GNB4: variants seen among roughly 807,000 people sequenced by gnomAD.
GNB4 encodes guanine nucleotide-binding protein subunit beta-4.
GNB4 carries 28 observed loss-of-function variants against 45.2 expected under a neutral mutation model. The observed-to-expected ratio is 0.62, with a 90% CI of 0.46 to 0.85. GNB4 has a LOEUF of 0.85. GNB4 is among the 40% of genes least tolerant of loss of function. GNB4 has a pLI of 0.00. For synonymous variants in GNB4, 132 were observed against 143.7 expected (o/e 0.92, Z 0.58); for missense variants, 321 against 425.4 (o/e 0.75, Z 2.16).
intron 1 of GNB4, among the ~76,000 whole-genome samples, chr3:179,439,024 G>C (rs1715530886): frequency 6.6e-6 from 1 of 152,138 alleles, no homozygotes; most frequent in African/African-American, 2.4e-5. Context: ...AGAGTGTGGG[G>C]ACCAGCAGCA....
intron 1 of GNB4, among the ~76,000 whole-genome samples, chr3:179,449,634 T>C (rs967355506): frequency 6.6e-6 from 1 of 152,166 alleles, no homozygotes; most frequent in Non-Finnish European, 1.5e-5. Context: ...CCTGTGGAAG[T>C]AGATAATGGT....
chr3:179,434,658 T>A (rs1577037353), intron 1 of GNB4, among the ~76,000 whole-genome samples: 2 of 150,760 alleles, frequency 1.3e-5, no homozygotes, highest in South Asian at 4.2e-4. Context: ...GAGGCAGAGG[T>A]TGCAGTGAGC....
At chr3:179,473,794 T>C in the GNB4 span, among the ~76,000 whole-genome samples, 1 of 152,214 alleles carries the variant, frequency 6.6e-6, no homozygotes. Flanking sequence ...TACTGCAATA[T>C]CAATATGTAA....
chr3:179,504,091 T>C, the GNB4 span, among the ~76,000 whole-genome samples: 3 of 152,198 alleles, frequency 2.0e-5, no homozygotes, highest in Non-Finnish European at 1.5e-5. Context: ...TTTCCTTTAG[T>C]ATTATAATCT....
the GNB4 span, among the ~76,000 whole-genome samples, chr3:179,512,998 A>T: frequency 6.6e-6 from 1 of 150,470 alleles, no homozygotes; most frequent in Non-Finnish European, 1.5e-5. Flanking sequence ...AATAGTCTCT[A>T]TTTTTTTTTA....
At chr3:179,402,195 C>CT (rs986862371) in intron 9 of GNB4, among the ~76,000 whole-genome samples, 1 of 152,092 alleles carries the variant, frequency 6.6e-6, no homozygotes, top group Non-Finnish European at 1.5e-5. Context: ...TGGCTAAATA[C>CT]TTTAAGTCAC....
chr3:179,515,137 A>G, the GNB4 span, among the ~76,000 whole-genome samples: 1 of 152,242 alleles, frequency 6.6e-6, no homozygotes, highest in Non-Finnish European at 1.5e-5. Flanking sequence ...CGATTTCAGT[A>G]ATACGGCTTA....
At chr3:179,424,544 G>A (rs551290925) in intron 2 of GNB4, among the ~76,000 whole-genome samples, 2 of 152,286 alleles carry the variant, frequency 1.3e-5, no homozygotes, top group African/African-American at 4.8e-5. Flanking sequence ...CTTTTCTGGT[G>A]AATGTTCTTC....
the GNB4 span, among the ~76,000 whole-genome samples, chr3:179,467,259 C>T: frequency 1.3e-5 from 2 of 152,152 alleles, no homozygotes; most frequent in Admixed American, 6.5e-5. Flanking sequence ...TAATTCCCCC[C>T]ACTTCAGCCT....
the GNB4 span, among the ~76,000 whole-genome samples, chr3:179,500,495 A>G: frequency 3.0e-4 from 45 of 152,134 alleles, no homozygotes; most frequent in Non-Finnish European, 5.4e-4. Context: ...GCCTTGTAGT[A>G]TAGTTTGAAG....
chr3:179,504,744 T>A, the GNB4 span, among the ~76,000 whole-genome samples: 1 of 152,158 alleles, frequency 6.6e-6, no homozygotes, highest in Non-Finnish European at 1.5e-5. Context: ...GGTAAAAGTC[T>A]GAGTATTTCT....
chr3:179,413,273 C>T, intron 8 of GNB4, 139 bp downstream of exon 8: 2 of 664,198 alleles, frequency 3.0e-6, no homozygotes, highest in Non-Finnish European at 2.6e-6. Context: ...ATCAAAAACC[C>T]TTATGACTTG....
At chr3:179,481,505 C>A in the GNB4 span, among the ~76,000 whole-genome samples, 1,690 of 152,032 alleles carry the variant, frequency 0.011, 62 homozygotes, top group East Asian at 0.097. Flanking sequence ...ACTTTTGTTT[C>A]AATTTTTTAA....
intron 9 of GNB4, among the ~76,000 whole-genome samples, chr3:179,402,882 C>G (rs571438344): frequency 6.6e-6 from 1 of 152,160 alleles, no homozygotes; most frequent in African/African-American, 2.4e-5. Context: ...ACAGATCATC[C>G]TGCGCTGTGG....
chr3:179,497,668 A>G, the GNB4 span, among the ~76,000 whole-genome samples: 1 of 151,900 alleles, frequency 6.6e-6, no homozygotes, highest in African/African-American at 2.4e-5. Flanking sequence ...TCCTAGCCAG[A>G]GCAATTACTG....
At chr3:179,417,494 G>A (rs1040380201) in intron 4 of GNB4, among the ~76,000 whole-genome samples, 1 of 150,100 alleles carries the variant, frequency 6.7e-6, no homozygotes, top group Non-Finnish European at 1.5e-5. Context: ...TGCAACCTCC[G>A]CCTCTCAGGT....
At chr3:179,419,310 G>A in intron 4 of GNB4, 89 bp downstream of exon 4, 1 of 865,064 alleles carries the variant, frequency 1.2e-6, no homozygotes, top group Non-Finnish European at 2.0e-6. Flanking sequence ...AATATATTCT[G>A]TTTTTAAACA....
the GNB4 span, among the ~76,000 whole-genome samples, chr3:179,502,438 G>A: frequency 6.6e-6 from 1 of 151,546 alleles, no homozygotes; most frequent in African/African-American, 2.4e-5. Context: ...TCACTATGTT[G>A]GCCACGCTGC....
intron 2 of GNB4, among the ~76,000 whole-genome samples, chr3:179,422,924 CT>C (rs1294221802): frequency 6.6e-6 from 1 of 152,054 alleles, no homozygotes; most frequent in African/African-American, 2.4e-5. Flanking sequence ...TCCCGAGTAG[CT>C]GGGACTATAG....
Sources: allele counts gnomAD v4.1 joint callset (sites outside exome capture counted in the v4.1 genomes callset), GRCh38; gene constraint gnomAD v4.1.1; transcripts MANE v1.5; gene names NCBI Gene and HGNC (gene_info 2026-07-23, HGNC 2026-07-21).